L3MBTL4: variants seen among roughly 807,000 people sequenced by gnomAD.
L3MBTL4 encodes the protein lethal(3)malignant brain tumor-like protein 4.
L3MBTL4 carries 70 observed loss-of-function variants against 84.5 expected under a neutral mutation model. The ratio of observed to expected loss-of-function variants is 0.83; its 90% CI spans 0.68 to 1.01. L3MBTL4 has a LOEUF of 1.01. Ranked by LOEUF, L3MBTL4 falls within the 50% of genes least tolerant of loss-of-function variation. The probability of loss-of-function intolerance (pLI) is 0.00; values close to 1 mark genes in which losing one functional copy is unlikely to be tolerated. For missense variants in L3MBTL4, 715 were observed against 754.8 expected, an observed-to-expected ratio of 0.95 and a Z score of 0.62; for synonymous variants, 274 against 259.8, an observed-to-expected ratio of 1.05 and a Z score of -0.52.
intron 14 of L3MBTL4, among the ~76,000 whole-genome samples, chr18:6,124,801 AG>A (rs141462138): frequency 0.032 from 4,880 of 152,314 alleles, 116 homozygotes; most frequent in Middle Eastern, 0.11. Context: ...CACTGGAATC[AG>A]TAAAGGTGCA....
In L3MBTL4 at chr18:6,348,300, G is replaced by C. The variant is rs142762011; in HGVS notation, c.-90-36244C>G. 3.9e-3 allele frequency among the ~76,000 whole-genome samples: 596 copies of C among 152,034 alleles called. 1 individual carries two copies. Among genetic ancestry groups the C allele is most frequent in the African/African-American group, 0.014 (566 of 41,532 alleles). On this transcript the variant is annotated intron_variant, in intron 1 of 18. Coordinates refer to ENST00000317931, the MANE Select transcript of L3MBTL4 (RefSeq NM_001330559.2). ...TTAGATTGATCCTAACAGTTATATGGAAATACAAATATGAGAAGAAGAAGA... is the reference window on the plus strand; with the variant it reads ...TTAGATTGATCCTAACAGTTATATGCAAATACAAATATGAGAAGAAGAAGA...
chr18:6,394,988 C>G (rs1174163541), intron 1 of L3MBTL4: 3 of 152,164 alleles, frequency 2.0e-5, no homozygotes, highest in Non-Finnish European at 2.9e-5. Flanking sequence ...TAATGATTCT[C>G]AATACCTTGA....
intron 14 of L3MBTL4, among the ~76,000 whole-genome samples, chr18:6,128,913 C>G (rs1304591153): frequency 1.3e-5 from 2 of 151,974 alleles, no homozygotes; most frequent in African/African-American, 4.8e-5. Context: ...TTAATGGACC[C>G]CCTGATGTGT....
chr18:6,154,486 G>T (rs1003665215), intron 13 of L3MBTL4, among the ~76,000 whole-genome samples: 1 of 152,144 alleles, frequency 6.6e-6, no homozygotes, highest in African/African-American at 2.4e-5. Flanking sequence ...TGGAATCTGG[G>T]TATGAGCACG....
intron 16 of L3MBTL4, among the ~76,000 whole-genome samples, chr18:5,998,476 T>C (rs1193344122): frequency 1.3e-5 from 2 of 152,152 alleles, no homozygotes; most frequent in African/African-American, 2.4e-5. Flanking sequence ...AGGAAGGCTG[T>C]CTGCTTGCTC....
chr18:6,400,587 T>C (rs1350179569), intron 1 of L3MBTL4, among the ~76,000 whole-genome samples: 1 of 152,184 alleles, frequency 6.6e-6, no homozygotes, highest in Non-Finnish European at 1.5e-5. Context: ...TTTTTTCGTA[T>C]TTTTAGTAGA....
intron 5 of L3MBTL4, among the ~76,000 whole-genome samples, chr18:6,257,740 G>A (rs1032554548): frequency 1.4e-4 from 21 of 150,382 alleles, no homozygotes; most frequent in African/African-American, 5.2e-4. Flanking sequence ...TCCGCTTCCC[G>A]GGTTCAAGCG....
chr18:6,098,459 AGCAAAATG>A (rs1158976039), intron 14 of L3MBTL4, among the ~76,000 whole-genome samples: 2 of 152,222 alleles, frequency 1.3e-5, no homozygotes, highest in African/African-American at 2.4e-5. Flanking sequence ...GACAAATTTA[AGCAAAATG>A]GCAAAGATGT....
chr18:6,331,335 A>G (rs779803245), intron 1 of L3MBTL4, among the ~76,000 whole-genome samples: 2 of 152,348 alleles, frequency 1.3e-5, no homozygotes, highest in Non-Finnish European at 2.9e-5. Flanking sequence ...TCGCTGAGAG[A>G]TCAGAGATCC....
intron 5 of L3MBTL4, among the ~76,000 whole-genome samples, chr18:6,253,256 T>G (rs2048004261): frequency 6.6e-6 from 1 of 152,152 alleles, no homozygotes; most frequent in South Asian, 2.1e-4. Flanking sequence ...ACAATCCCCA[T>G]TTCACACATG....
intron 16 of L3MBTL4, among the ~76,000 whole-genome samples, chr18:6,013,837 A>C (rs569644911): frequency 1.3e-5 from 2 of 152,216 alleles, no homozygotes; most frequent in Non-Finnish European, 2.9e-5. Flanking sequence ...TGAGTGATAA[A>C]AGGGATTGAT....
At chr18:6,385,833 C>T (rs1169327035) in intron 1 of L3MBTL4, among the ~76,000 whole-genome samples, 3 of 152,172 alleles carry the variant, frequency 2.0e-5, no homozygotes, top group Admixed American at 2.0e-4. Flanking sequence ...TAGTCCTTCA[C>T]TTTCTCTTAT....
intron 13 of L3MBTL4, among the ~76,000 whole-genome samples, chr18:6,138,626 A>T (rs1236274577): frequency 2.0e-5 from 3 of 152,176 alleles, no homozygotes; most frequent in African/African-American, 7.2e-5. Context: ...ATCTCGGCTC[A>T]CTGCAACCTC....
intron 14 of L3MBTL4, among the ~76,000 whole-genome samples, chr18:6,120,320 T>C (rs914777199): frequency 6.6e-6 from 1 of 152,120 alleles, no homozygotes; most frequent in Non-Finnish European, 1.5e-5. Context: ...TGGAGTGTCA[T>C]GAGGTGGCTA....
chr18:6,112,557 G>A (rs2059227666), intron 14 of L3MBTL4, among the ~76,000 whole-genome samples: 1 of 152,160 alleles, frequency 6.6e-6, no homozygotes, highest in Admixed American at 6.6e-5. Context: ...ACACAAATCT[G>A]CAAATAACTA....
intron 16 of L3MBTL4, among the ~76,000 whole-genome samples, chr18:6,058,703 G>T (rs745743439): frequency 8.5e-5 from 13 of 152,152 alleles, no homozygotes; most frequent in Non-Finnish European, 1.9e-4. Context: ...ATGAATAAAG[G>T]AGAGAACTGC....
At chr18:6,000,992 C>G (rs1048627570) in intron 16 of L3MBTL4, among the ~76,000 whole-genome samples, 1 of 152,188 alleles carries the variant, frequency 6.6e-6, no homozygotes, top group Non-Finnish European at 1.5e-5. Flanking sequence ...GGTGGTAAAT[C>G]ATGGCTAATT....
At chr18:6,235,100 T>C (rs1184694537) in intron 10 of L3MBTL4, among the ~76,000 whole-genome samples, 2 of 152,014 alleles carry the variant, frequency 1.3e-5, no homozygotes, top group East Asian at 3.9e-4. Flanking sequence ...TTCTCACTCA[T>C]AGGTGGGAAT....
At chr18:6,206,486 T>C (rs535058155) in intron 12 of L3MBTL4, among the ~76,000 whole-genome samples, 3 of 152,246 alleles carry the variant, frequency 2.0e-5, no homozygotes, top group African/African-American at 7.2e-5. Flanking sequence ...GCTGGTAAGA[T>C]GGGTACAGGG....
Sources: allele counts gnomAD v4.1 joint callset (sites outside exome capture counted in the v4.1 genomes callset), GRCh38; gene constraint gnomAD v4.1.1; transcripts MANE v1.5; gene names NCBI Gene and HGNC (gene_info 2026-07-23, HGNC 2026-07-21).